The following APAF1 variants were observed in gnomAD, a reference collection of about 807,000 sequenced individuals.
The protein encoded by APAF1 is apoptotic protease-activating factor 1.
In APAF1, 91 loss-of-function variants were observed where a neutral mutation model predicts 152.4. That is an observed-to-expected ratio of 0.60 (90% CI 0.50 to 0.71). The LOEUF (loss-of-function observed/expected upper bound fraction) is 0.71. APAF1 is among the 30% of genes least tolerant of loss of function. The pLI, the probability that APAF1 is intolerant of heterozygous loss-of-function variation, is 0.00. For synonymous variants in APAF1, 484 were observed against 494.1 expected, an observed-to-expected ratio of 0.98 and a Z score of 0.27; for missense variants, 1,283 against 1,472.0, an observed-to-expected ratio of 0.87 and a Z score of 2.10.
intron 16 of APAF1, among the ~76,000 whole-genome samples, chr12:98,688,022 G>C (rs2097699848): frequency 6.6e-6 from 1 of 152,112 alleles, no homozygotes; most frequent in South Asian, 2.1e-4. Flanking sequence ...ACGTTGGCCA[G>C]TCTGGGGACC....
At chr12:98,687,435 A>G (rs2097699193) in intron 16 of APAF1, among the ~76,000 whole-genome samples, 2 of 151,784 alleles carry the variant, frequency 1.3e-5, no homozygotes, top group Non-Finnish European at 2.9e-5. Context: ...TTAAGTGTAC[A>G]TTTTGTTTCA....
intron 17 of APAF1, 30 bp from the exon 18 acceptor site, chr12:98,703,328 TAAAGTATTTTACC>T (rs1565884595): frequency 6.2e-7 from 1 of 1,607,590 alleles, no homozygotes; most frequent in Non-Finnish European, 8.5e-7. Flanking sequence ...GCTTATCTCT[TAAAGTATTTTACC>T]TTCATAGGTA....
chr12:98,702,222 C>T (rs777446636), intron 17 of APAF1, among the ~76,000 whole-genome samples: 15 of 152,146 alleles, frequency 9.9e-5, no homozygotes, highest in Middle Eastern at 3.4e-3. Context: ...CCTGCCACCG[C>T]GCCCGGCTAA....
chr12:98,672,337 A>C (rs922114701), intron 12 of APAF1, among the ~76,000 whole-genome samples: 1 of 151,716 alleles, frequency 6.6e-6, no homozygotes, highest in Non-Finnish European at 1.5e-5. Flanking sequence ...TCTAGTTTTT[A>C]TATTTTTAAT....
rs750475464 is a variant in APAF1 at position 98,727,283 on chromosome 12, C to G, written c.3567C>G (p.Gly1189=). The G allele has an allele frequency of 1.9e-6, 3 of 1,614,132 alleles. No individual in the cohort carries two copies. In the East Asian group the frequency reaches 6.7e-5, roughly 36 times the overall value. ...WVTDLCFSPD[G]KMLISAGGYI... ...CTGACCTTTGCTTTTCTCCAGATGG[C>G]AAAATGCTTATCTCTGCTGGAGGAT... Residue 1189 remains glycine (G), a synonymous_variant, in exon 26 of 27, where the codon GGC becomes GGG. Coordinates refer to ENST00000551964, the MANE Select transcript of APAF1 (RefSeq NM_181861.2).
At chr12:98,695,550 A>G (rs183680203) in intron 16 of APAF1, among the ~76,000 whole-genome samples, 39 of 152,238 alleles carry the variant, frequency 2.6e-4, no homozygotes, top group Non-Finnish European at 3.7e-4. Flanking sequence ...TTAATCTCCT[A>G]TTTGTAGGAT....
chr12:98,680,770 G>A (rs559964806), intron 14 of APAF1, among the ~76,000 whole-genome samples: 16 of 152,220 alleles, frequency 1.1e-4, no homozygotes, highest in African/African-American at 3.9e-4. Context: ...ATCACCTCAG[G>A]ATTAAACAAG....
At chr12:98,685,526 G>A (rs1159058773) in intron 15 of APAF1, among the ~76,000 whole-genome samples, 1 of 151,960 alleles carries the variant, frequency 6.6e-6, no homozygotes, top group Non-Finnish European at 1.5e-5. Context: ...TAGTAGAGAT[G>A]GGTTTTCATT....
At chr12:98,717,163 T>C (rs113403511) in intron 22 of APAF1, among the ~76,000 whole-genome samples, 1 of 152,088 alleles carries the variant, frequency 6.6e-6, no homozygotes, top group African/African-American at 2.4e-5. Flanking sequence ...CCCCCGCACC[T>C]GGCCTACTGT....
In APAF1 at chr12:98,649,500, G is replaced by A. The variant is rs1000047211; in HGVS notation, c.342G>A (p.Leu114=). 1.2e-6 allele frequency: 2 copies of A among 1,614,144 alleles called. No individual in the cohort carries two copies. The highest frequency in any genetic ancestry group is 2.2e-5 in the East Asian group (1 of 44,882). Residue 114 remains leucine (L), a synonymous_variant, in exon 4 of 27, where the codon CTG becomes CTA. Coordinates refer to ENST00000551964, the MANE Select transcript of APAF1 (RefSeq NM_181861.2). ...SGITSYVRTV[L]CEGGVPQRPV... ...TTTGGATTTTAGTAAGGACAGTCCT[G>A]TGTGAAGGTGGAGTACCACAGAGGC...
chr12:98,665,068 T>TCCTCACACTGCATCCACA (rs1420438952), intron 7 of APAF1, among the ~76,000 whole-genome samples: 12 of 150,652 alleles, frequency 8.0e-5, no homozygotes, highest in Non-Finnish European at 1.6e-4. Context: ...CTCACACTGT[T>TCCTCACACTGCATCCACA]CCTCAGGCTA....
rs961947459 is a variant in APAF1, at chr12:98,665,623, C to A, written c.1026C>A (p.Leu342=). The change falls in exon 8 of 27, where the codon CTC becomes CTA. Residue 342 remains leucine, a synonymous_variant. Transcript: ENST00000551964. ...TTCCCAATCGCTGGGAGTACTACCT[C>A]AAACAGCTTCAGAATAAGCAGTTTA... ...RDFPNRWEYY[L]KQLQNKQFKR... is the part of the protein sequence containing the mutation. 3 of 1,613,630 alleles carry A rather than the reference C, an allele frequency of 1.9e-6. No individual in the cohort carries two copies. In the African/African-American group the frequency reaches 4.0e-5, roughly 22 times the overall value.
intron 22 of APAF1, among the ~76,000 whole-genome samples, chr12:98,718,036 A>G (rs919211662): frequency 6.6e-6 from 1 of 152,042 alleles, no homozygotes; most frequent in Non-Finnish European, 1.5e-5. Context: ...GTATTAATAG[A>G]TGTTGGATCT....
intron 4 of APAF1, among the ~76,000 whole-genome samples, chr12:98,652,007 G>GTTT (rs2097649623): frequency 6.6e-6 from 1 of 152,146 alleles, no homozygotes; most frequent in Non-Finnish European, 1.5e-5. Flanking sequence ...TAGAGTTGGG[G>GTTT]TTTTGTCATG....
chr12:98,700,045 G>C (rs181082442), intron 17 of APAF1, among the ~76,000 whole-genome samples: 1 of 152,274 alleles, frequency 6.6e-6, no homozygotes, highest in East Asian at 1.9e-4. Flanking sequence ...GACTGAACAA[G>C]ATAGTGAAAT....
intron 16 of APAF1, among the ~76,000 whole-genome samples, chr12:98,697,294 AC>A (rs2153332828): frequency 6.6e-6 from 1 of 152,222 alleles, no homozygotes; most frequent in South Asian, 2.1e-4. Flanking sequence ...ACTGTGCTAT[AC>A]CTTTTCCTTT....
Position 98,660,482 on chromosome 12 carries a change from A to G in APAF1, c.710+1139A>G, listed in dbSNP as rs546755962. Among the ~76,000 whole-genome samples, 6 of 152,338 alleles carry G rather than the reference A, an allele frequency of 3.9e-5. No homozygotes were observed. The East Asian group carries it at 1.2e-3, about 29-fold the overall frequency. ...GTTTGTTTTGTTTGTTCAACAGTTA[A>G]TTAATTCAGCAAATACTTACCATTA... On this transcript the variant is annotated intron_variant, in intron 5 of 26. Transcript: ENST00000551964.
In APAF1 at chr12:98,695,765, C is replaced by T. The variant is rs537832528; in HGVS notation, c.2305-3643C>T. On this transcript the variant is annotated intron_variant, in intron 16 of 26. Transcript: ENST00000551964. Reference sequence around the variant, plus strand: ...AGATTTCAATGGACTTTTAAAGATTCCTCTTGACTTAGCTTCACCTTTATC... The same window carrying T: ...AGATTTCAATGGACTTTTAAAGATTTCTCTTGACTTAGCTTCACCTTTATC... 7.8e-4 allele frequency among the ~76,000 whole-genome samples: 119 copies of T among 152,218 alleles called. No homozygotes were observed. In the Middle Eastern group the frequency reaches 0.02, roughly 26 times the overall value.
At chr12:98,667,355 ATCC>A (rs1311823986) in intron 9 of APAF1, among the ~76,000 whole-genome samples, 155 bp from the exon 10 acceptor site, 3 of 152,016 alleles carry the variant, frequency 2.0e-5, no homozygotes, top group Admixed American at 1.3e-4. Context: ...GCCTCAAGTG[ATCC>A]TCCTACCTTG....
Sources: allele counts gnomAD v4.1 joint callset (sites outside exome capture counted in the v4.1 genomes callset), GRCh38; gene constraint gnomAD v4.1.1; transcripts MANE v1.5; gene names NCBI Gene and HGNC (gene_info 2026-07-23, HGNC 2026-07-21).